The following PCDH9 variants were observed in gnomAD, a reference collection of about 807,000 sequenced individuals.
The protein encoded by PCDH9 is protocadherin-9.
In PCDH9, 24 loss-of-function variants were observed where a neutral mutation model predicts 70.6. The ratio of observed to expected loss-of-function variants is 0.34; its 90% confidence interval spans 0.25 to 0.48. The LOEUF is 0.48. Among genes scored for constraint, PCDH9 ranks in the 20% least tolerant of loss-of-function variants. The probability of loss-of-function intolerance (pLI) is 0.99; values close to 1 mark genes in which losing one functional copy is unlikely to be tolerated. For missense variants in PCDH9, 1,281 were observed against 1,503.6 expected, an observed-to-expected ratio of 0.85 and a Z score of 2.45; for synonymous variants, 562 against 558.5, an observed-to-expected ratio of 1.01 and a Z score of -0.09.
chr13:66,312,618 A>T (rs1166808808), intron 4 of PCDH9, among the ~76,000 whole-genome samples: 2 of 152,132 alleles, frequency 1.3e-5, no homozygotes, highest in African/African-American at 4.8e-5. Flanking sequence ...CTCAAAAAAA[A>T]AAAAAAAATT....
At chr13:66,991,931 T>C (rs1416323641) in intron 2 of PCDH9, among the ~76,000 whole-genome samples, 1 of 152,130 alleles carries the variant, frequency 6.6e-6, no homozygotes, top group Non-Finnish European at 1.5e-5. Flanking sequence ...TAGATAAAGA[T>C]AGATTATTGT....
chr13:66,485,942 G>A (rs1958932030), intron 4 of PCDH9, among the ~76,000 whole-genome samples: 1 of 151,890 alleles, frequency 6.6e-6, no homozygotes, highest in Non-Finnish European at 1.5e-5. Flanking sequence ...TGGCCACGCT[G>A]GTCTCGAACT....
chr13:66,975,319 G>A (rs527705672), intron 2 of PCDH9, among the ~76,000 whole-genome samples: 2 of 152,090 alleles, frequency 1.3e-5, no homozygotes, highest in African/African-American at 4.8e-5. Flanking sequence ...CCATTCTAAC[G>A]ACAAATTATC....
intron 2 of PCDH9, among the ~76,000 whole-genome samples, chr13:66,962,131 G>T (rs1045735317): frequency 6.6e-6 from 1 of 151,886 alleles, no homozygotes; most frequent in African/African-American, 2.4e-5. Flanking sequence ...TGTAAAACAA[G>T]CAATTTCTTA....
At chr13:67,180,688 G>T (rs1482252183) in intron 2 of PCDH9, among the ~76,000 whole-genome samples, 1 of 152,108 alleles carries the variant, frequency 6.6e-6, no homozygotes, top group Non-Finnish European at 1.5e-5. Flanking sequence ...TAAGTCTTGT[G>T]TCATTGTGAT....
intron 4 of PCDH9, among the ~76,000 whole-genome samples, chr13:66,590,938 A>G (rs2077031573): frequency 6.6e-6 from 1 of 151,792 alleles, no homozygotes; most frequent in Admixed American, 6.6e-5. Context: ...TCAGTATCCA[A>G]ATAAACCCAA....
At chr13:66,478,194 A>T (rs1958768460) in intron 4 of PCDH9, among the ~76,000 whole-genome samples, 1 of 152,196 alleles carries the variant, frequency 6.6e-6, no homozygotes, top group South Asian at 2.1e-4. Context: ...ACCACAAGCC[A>T]TGCCCATATT....
At chr13:66,654,561 G>A (rs2077900763) in intron 3 of PCDH9, among the ~76,000 whole-genome samples, 1 of 152,066 alleles carries the variant, frequency 6.6e-6, no homozygotes, top group Non-Finnish European at 1.5e-5. Context: ...TTGTATACCT[G>A]TATCAAAATC....
chr13:66,903,470 G>T, intron 3 of PCDH9, 34 bp downstream of exon 3: 1 of 842,592 alleles, frequency 1.2e-6, no homozygotes, highest in Non-Finnish European at 2.0e-6. Context: ...AAATTTATCA[G>T]TACTAACATG....
At chr13:66,846,884 T>C (rs918376510) in intron 3 of PCDH9, among the ~76,000 whole-genome samples, 4 of 149,478 alleles carry the variant, frequency 2.7e-5, no homozygotes, top group Non-Finnish European at 4.5e-5. Context: ...TTTCTCATAA[T>C]ACACACACAC....
At chr13:66,562,216 CTT>C (rs1182652946) in intron 4 of PCDH9, among the ~76,000 whole-genome samples, 1 of 152,078 alleles carries the variant, frequency 6.6e-6, no homozygotes, top group Non-Finnish European at 1.5e-5. Flanking sequence ...AAAAATCAAA[CTT>C]GTGATAATAT....
At chr13:66,754,251 T>C (rs1377284867) in intron 3 of PCDH9, among the ~76,000 whole-genome samples, 1 of 151,936 alleles carries the variant, frequency 6.6e-6, no homozygotes, top group Non-Finnish European at 1.5e-5. Context: ...AGTGGAGGAA[T>C]AGCATTAGGG....
chr13:67,149,807 T>A (rs2087612170), intron 2 of PCDH9, among the ~76,000 whole-genome samples: 1 of 152,144 alleles, frequency 6.6e-6, no homozygotes, highest in Non-Finnish European at 1.5e-5. Flanking sequence ...AACTATGCTT[T>A]TAGCCGAACA....
chr13:66,875,298 C>T (rs1418279213), intron 3 of PCDH9, among the ~76,000 whole-genome samples: 1 of 152,102 alleles, frequency 6.6e-6, no homozygotes, highest in African/African-American at 2.4e-5. Context: ...TTACAGAACT[C>T]TGTGTGTGTG....
At chr13:67,009,034 A>T (rs1205406561) in intron 2 of PCDH9, among the ~76,000 whole-genome samples, 2 of 152,108 alleles carry the variant, frequency 1.3e-5, no homozygotes, top group Non-Finnish European at 2.9e-5. Flanking sequence ...TTTTATTTTT[A>T]TATTTTTTTA....
intron 3 of PCDH9, among the ~76,000 whole-genome samples, chr13:66,786,965 T>C (rs1458578979): frequency 6.6e-6 from 1 of 152,182 alleles, no homozygotes; most frequent in Non-Finnish European, 1.5e-5. Flanking sequence ...AGACAATACG[T>C]ATGATAGTGA....
intron 2 of PCDH9, among the ~76,000 whole-genome samples, chr13:67,062,039 C>G (rs2085549129): frequency 6.6e-6 from 1 of 152,168 alleles, no homozygotes; most frequent in South Asian, 2.1e-4. Context: ...GTAAAGTACT[C>G]TAGCAGTTTC....
At chr13:66,728,207 C>T (rs570044588) in intron 3 of PCDH9, among the ~76,000 whole-genome samples, 52 of 152,138 alleles carry the variant, frequency 3.4e-4, no homozygotes, top group Non-Finnish European at 6.2e-4. Flanking sequence ...TTCACTACTT[C>T]AGTTATGCTG....
chr13:66,707,061 TA>T, intron 3 of PCDH9, among the ~76,000 whole-genome samples: 1 of 152,290 alleles, frequency 6.6e-6, no homozygotes, highest in Non-Finnish European at 1.5e-5. Context: ...GAGGTTCCTT[TA>T]AAATTTTTTC....
Sources: allele counts gnomAD v4.1 joint callset (sites outside exome capture counted in the v4.1 genomes callset), GRCh38; gene constraint gnomAD v4.1.1; transcripts MANE v1.5; gene names NCBI Gene and HGNC (gene_info 2026-07-23, HGNC 2026-07-21).